Variants in NRXN1 observed in about 807,000 individuals in gnomAD.
The protein encoded by NRXN1 is neurexin-1.
NRXN1 carries 39 observed loss-of-function variants against 150.9 expected under a neutral mutation model. The observed-to-expected ratio is 0.26, with a 90% confidence interval of 0.20 to 0.34. NRXN1 has a LOEUF of 0.34. Among genes scored for constraint, NRXN1 ranks in the 10% least tolerant of loss-of-function variants. NRXN1 has a pLI of 1.00. For missense variants in NRXN1, 1,815 were observed against 1,949.9 expected, an observed-to-expected ratio of 0.93 and a Z score of 1.30; for synonymous variants, 924 against 757.0, an observed-to-expected ratio of 1.22 and a Z score of -3.62.
intron 2 of NRXN1, among the ~76,000 whole-genome samples, chr2:50,979,697 G>T (rs1164055988): frequency 6.6e-6 from 1 of 152,014 alleles, no homozygotes; most frequent in African/African-American, 2.4e-5. Context: ...AAACCCCATG[G>T]ATTCTCACTG....
chr2:50,192,183 T>C (rs1024285906), intron 18 of NRXN1, among the ~76,000 whole-genome samples: 1 of 152,210 alleles, frequency 6.6e-6, no homozygotes, highest in Non-Finnish European at 1.5e-5. Context: ...CAGTATTTAA[T>C]TTAATTCATT....
At chr2:50,997,807 C>T (rs1699522587) in intron 2 of NRXN1, among the ~76,000 whole-genome samples, 2 of 142,134 alleles carry the variant, frequency 1.4e-5, no homozygotes, top group Admixed American at 1.4e-4. Flanking sequence ...TCACATCAGC[C>T]ACATTTTCAT....
chr2:50,561,068 T>C (rs1047777835), intron 8 of NRXN1, among the ~76,000 whole-genome samples: 3 of 152,124 alleles, frequency 2.0e-5, no homozygotes, highest in African/African-American at 7.2e-5. Flanking sequence ...TACAACCAAA[T>C]ATATCCCATT....
intron 21 of NRXN1, among the ~76,000 whole-genome samples, chr2:50,026,306 G>A (rs947062173): frequency 6.6e-6 from 1 of 152,128 alleles, no homozygotes; most frequent in Non-Finnish European, 1.5e-5. Context: ...AGCAACTTTG[G>A]CCCTGAAATG....
At chr2:50,727,314 T>C (rs1258369673) in intron 5 of NRXN1, among the ~76,000 whole-genome samples, 1 of 152,190 alleles carries the variant, frequency 6.6e-6, no homozygotes, top group Non-Finnish European at 1.5e-5. Flanking sequence ...ACATGCTTTG[T>C]GAAGACACAG....
chr2:50,802,281 C>T (rs1707705295), intron 5 of NRXN1, among the ~76,000 whole-genome samples: 1 of 152,182 alleles, frequency 6.6e-6, no homozygotes, highest in African/African-American at 2.4e-5. Context: ...CACCTGAGGT[C>T]AGGAGTTTAA....
chr2:50,181,314 C>CA (rs5831096), intron 18 of NRXN1, among the ~76,000 whole-genome samples: 2,993 of 150,406 alleles, frequency 0.02, 77 homozygotes, highest in African/African-American at 0.068. Flanking sequence ...TCCTCTGAGG[C>CA]AAAAAAAAAA....
intron 8 of NRXN1, among the ~76,000 whole-genome samples, chr2:50,579,911 G>A (rs12713114): frequency 0.29 from 43,745 of 151,918 alleles, 7,166 homozygotes; most frequent in East Asian, 0.52. Flanking sequence ...TATCATGAAA[G>A]GGTTATATTT....
At chr2:50,577,322 CA>C (rs1671586501) in intron 8 of NRXN1, among the ~76,000 whole-genome samples, 1 of 151,418 alleles carries the variant, frequency 6.6e-6, no homozygotes, top group African/African-American at 2.4e-5. Flanking sequence ...TAAGTCTCAT[CA>C]ACTGTAATAG....
chr2:50,331,544 C>T (rs908848508), intron 17 of NRXN1, among the ~76,000 whole-genome samples: 1 of 152,168 alleles, frequency 6.6e-6, no homozygotes, highest in Non-Finnish European at 1.5e-5. Flanking sequence ...AATCTTCTTG[C>T]AGTCTACTTC....
At chr2:50,349,487 T>A (rs952888298) in intron 17 of NRXN1, among the ~76,000 whole-genome samples, 1 of 152,206 alleles carries the variant, frequency 6.6e-6, no homozygotes, top group South Asian at 2.1e-4. Flanking sequence ...CAGGTCCATA[T>A]TCTGAATTTG....
chr2:50,860,041 G>A (rs1263544044), intron 5 of NRXN1, among the ~76,000 whole-genome samples: 1 of 151,910 alleles, frequency 6.6e-6, no homozygotes, highest in African/African-American at 2.4e-5. Flanking sequence ...TTAAAATCTA[G>A]TTTAGCATGG....
chr2:50,614,754 A>AAACTTGAG (rs1331754440), intron 8 of NRXN1, among the ~76,000 whole-genome samples: 4 of 145,762 alleles, frequency 2.7e-5, no homozygotes, highest in African/African-American at 1.0e-4. Flanking sequence ...AAAAAAAAAA[A>AAACTTGAG]ACTTGAGGAA....
At chr2:50,057,086 G>A (rs537051973) in intron 19 of NRXN1, among the ~76,000 whole-genome samples, 10 of 152,134 alleles carry the variant, frequency 6.6e-5, no homozygotes, top group East Asian at 3.9e-4. Context: ...TTCCATATAA[G>A]CCAATATCTA....
At chr2:50,159,578 T>C (rs888189944) in intron 18 of NRXN1, among the ~76,000 whole-genome samples, 3 of 152,176 alleles carry the variant, frequency 2.0e-5, no homozygotes, top group Admixed American at 2.0e-4. Flanking sequence ...CTAAAACTGC[T>C]AGCATGAGAA....
chr2:50,688,730 C>T (rs889086644), intron 5 of NRXN1, among the ~76,000 whole-genome samples: 1 of 152,186 alleles, frequency 6.6e-6, no homozygotes, highest in African/African-American at 2.4e-5. Flanking sequence ...ACATGCTGTA[C>T]AGCAAGGGCC....
chr2:50,786,998 T>A (rs527363857), intron 5 of NRXN1, among the ~76,000 whole-genome samples: 1 of 152,284 alleles, frequency 6.6e-6, no homozygotes, highest in East Asian at 1.9e-4. Flanking sequence ...CAAAGATGAA[T>A]GCATTTACAG....
chr2:50,024,194 A>G (rs6712956), intron 21 of NRXN1: 133,038 of 152,276 alleles, frequency 0.87, 58,336 homozygotes, highest in African/African-American at 0.94. Context: ...ACATATGCAT[A>G]TCAGAGGGGT....
At chr2:50,461,466 C>G (rs2088203978) in intron 17 of NRXN1, among the ~76,000 whole-genome samples, 1 of 152,010 alleles carries the variant, frequency 6.6e-6, no homozygotes, top group South Asian at 2.1e-4. Context: ...CCATGTTCAT[C>G]TTCTCCAACC....
Sources: allele counts gnomAD v4.1 joint callset (sites outside exome capture counted in the v4.1 genomes callset), GRCh38; gene constraint gnomAD v4.1.1; transcripts MANE v1.5; gene names NCBI Gene and HGNC (gene_info 2026-07-23, HGNC 2026-07-21).